Variants in CCDC3 observed in about 807,000 individuals in gnomAD.
The protein encoded by CCDC3 is coiled-coil domain containing 3, also known as coiled-coil domain-containing protein 3.
CCDC3 carries 24 observed loss-of-function variants against 21.4 expected under a neutral mutation model. The observed-to-expected ratio is 1.12, with a 90% CI of 0.81 to 1.58. The LOEUF (loss-of-function observed/expected upper bound fraction) is 1.58. Among genes scored for constraint, CCDC3 ranks in the 40% most tolerant of loss-of-function variants. CCDC3 has a pLI of 0.00. For missense variants in CCDC3, 425 were observed against 360.9 expected, an observed-to-expected ratio of 1.18 and a Z score of -1.44; for synonymous variants, 186 against 166.0, an observed-to-expected ratio of 1.12 and a Z score of -0.93.
chr10:12,914,376 G>A (rs751590061), intron 2 of CCDC3, among the ~76,000 whole-genome samples: 1 of 152,020 alleles, frequency 6.6e-6, no homozygotes, highest in Non-Finnish European at 1.5e-5. Context: ...GATTGTCTGT[G>A]GTAGTCTTTT....
intron 2 of CCDC3, among the ~76,000 whole-genome samples, chr10:12,982,326 T>A (rs1835510875): frequency 6.6e-6 from 1 of 151,786 alleles, no homozygotes; most frequent in Non-Finnish European, 1.5e-5. Context: ...GAATGGTACT[T>A]GCCAGGGGCT....
chr10:13,029,185 G>A (rs1353902997), intron 5 of CCDC3, among the ~76,000 whole-genome samples: 1 of 152,130 alleles, frequency 6.6e-6, no homozygotes, highest in Non-Finnish European at 1.5e-5. Flanking sequence ...CAGTCATAAG[G>A]AAAGCTGTTT....
At chr10:13,049,745 T>C (rs1243990472) in exon 5 of CCDC3, 2 of 152,302 alleles carry the variant, frequency 1.3e-5, no homozygotes, top group East Asian at 3.9e-4. Context: ...CAGAGAAGGC[T>C]GCCCAGAAGA....
chr10:12,946,611 T>C (rs182359936), intron 2 of CCDC3, among the ~76,000 whole-genome samples: 1 of 152,310 alleles, frequency 6.6e-6, no homozygotes, highest in Admixed American at 6.5e-5. Flanking sequence ...TCTGAACCTA[T>C]TCTGGTTCTG....
intron 5 of CCDC3, among the ~76,000 whole-genome samples, chr10:13,034,083 G>A (rs1836343241): frequency 6.6e-6 from 1 of 152,082 alleles, no homozygotes; most frequent in South Asian, 2.1e-4. Flanking sequence ...TAAAGACTTG[G>A]AACCAACCCA....
intron 2 of CCDC3, among the ~76,000 whole-genome samples, chr10:12,931,390 T>C (rs977028873): frequency 2.6e-5 from 4 of 152,196 alleles, no homozygotes; most frequent in African/African-American, 9.7e-5. Context: ...TTACTTCCTC[T>C]ACAACAGAGC....
chr10:13,023,393 T>C (rs1035015990), intron 5 of CCDC3, among the ~76,000 whole-genome samples: 1 of 152,168 alleles, frequency 6.6e-6, no homozygotes, highest in Admixed American at 6.5e-5. Flanking sequence ...GTGCTGGCCA[T>C]TGACTGGGGG....
In CCDC3 at chr10:12,900,089, A is replaced by G. The variant is rs551888361; in HGVS notation, c.550-1410T>C. Among the ~76,000 whole-genome samples, 16 of 152,296 alleles carry G rather than the reference A, an allele frequency of 1.1e-4. No individual in the cohort carries two copies. The South Asian group carries it at 2.7e-3, about 26-fold the overall frequency. On this transcript the variant is annotated intron_variant, in intron 2 of 2. Transcript: ENST00000378825. ...TCTATTGCCTGCCATCATGTCAGAC[A>G]TGACTTTGAGCCTATTCACCTCCAC...
intron 2 of CCDC3, among the ~76,000 whole-genome samples, chr10:12,908,457 G>A (rs1374095940): frequency 6.6e-6 from 1 of 152,136 alleles, no homozygotes; most frequent in East Asian, 1.9e-4. Flanking sequence ...CTCCCAGGGA[G>A]TTTTGCAAAC....
intron 2 of CCDC3, among the ~76,000 whole-genome samples, chr10:12,920,514 T>C (rs967875248): frequency 3.3e-5 from 5 of 152,340 alleles, no homozygotes; most frequent in African/African-American, 1.2e-4. Context: ...CTGAGGACTT[T>C]ATCTTCACTT....
chr10:12,918,669 ACTG>A (rs1050086709), intron 2 of CCDC3, among the ~76,000 whole-genome samples: 22 of 152,304 alleles, frequency 1.4e-4, no homozygotes, highest in African/African-American at 5.3e-4. Flanking sequence ...AGTTAAATAA[ACTG>A]CAGCCCATCT....
chr10:13,076,302 CA>C (rs1452643202), intron 3 of CCDC3, among the ~76,000 whole-genome samples: 2 of 152,182 alleles, frequency 1.3e-5, no homozygotes, highest in East Asian at 3.8e-4. Context: ...GCATTCAAAC[CA>C]GAGCAACTCC....
intron 4 of CCDC3, among the ~76,000 whole-genome samples, chr10:13,073,525 A>G (rs1021574239): frequency 8.0e-5 from 10 of 125,752 alleles, no homozygotes; most frequent in Non-Finnish European, 1.8e-4. Context: ...TTTTTGAGAC[A>G]GGATCTCACT....
chr10:12,897,644 C>T lies in CCDC3; in HGVS notation c.*772G>A, dbSNP rs1014337529. 1 of 152,212 alleles carries T rather than the reference C, an allele frequency of 6.6e-6. No homozygotes were observed. The allele number at this position is 152,212 out of a possible 1,614,324, so 9.4% of individuals were successfully genotyped here. On this transcript the variant is annotated 3_prime_UTR_variant, in exon 3 of 3. Coordinates refer to ENST00000378825, the MANE Select transcript of CCDC3 (RefSeq NM_031455.4). ...GACTATAGCAGTGGCTGAGAGATTG[C>T]TCAGTTTCTCTCAATTTAGGAAGCA... is the stretch of plus-strand genomic sequence containing the variant.
At chr10:13,098,090 AG>A (rs1564347930) in intron 3 of CCDC3, among the ~76,000 whole-genome samples, 27 of 152,152 alleles carry the variant, frequency 1.8e-4, no homozygotes, top group African/African-American at 6.5e-4. Context: ...TTGTCGGGGG[AG>A]TGTGTGTGCA....
intron 3 of CCDC3, among the ~76,000 whole-genome samples, chr10:13,095,506 G>A (rs533815115): frequency 1.3e-5 from 2 of 152,290 alleles, no homozygotes; most frequent in Middle Eastern, 3.4e-3. Context: ...TAAGAAGCAC[G>A]CAACCTAGAT....
intron 2 of CCDC3, among the ~76,000 whole-genome samples, chr10:12,998,114 A>G (rs1446682866): frequency 6.6e-6 from 1 of 152,214 alleles, no homozygotes; most frequent in African/African-American, 2.4e-5. Context: ...CTTTGGGAAG[A>G]ACTCCTTATC....
At chr10:12,923,910 C>A (rs1205873866) in intron 2 of CCDC3, among the ~76,000 whole-genome samples, 2 of 152,238 alleles carry the variant, frequency 1.3e-5, no homozygotes, top group Non-Finnish European at 2.9e-5. Flanking sequence ...CACTCCAACC[C>A]TGCTCCTCTA....
chr10:12,915,346 C>A (rs910706239), intron 2 of CCDC3, among the ~76,000 whole-genome samples: 8 of 152,184 alleles, frequency 5.3e-5, no homozygotes, highest in African/African-American at 1.9e-4. Context: ...GTGGTCCATT[C>A]ATTAAATGTC....
Sources: gnomAD v4.1 joint callset for allele counts (sites outside exome capture counted in the v4.1 genomes callset) on GRCh38, gnomAD v4.1.1 for gene constraint, MANE v1.5 for transcripts, NCBI Gene and HGNC (gene_info 2026-07-23, HGNC 2026-07-21) for gene names.